Variants in NOL4 observed in about 807,000 individuals in gnomAD.
The protein encoded by NOL4 is nucleolar protein 4.
A neutral mutation model predicts 75.9 loss-of-function variants in NOL4; 17 were observed. The observed-to-expected ratio is 0.22, with a 90% CI of 0.15 to 0.34. The LOEUF (loss-of-function observed/expected upper bound fraction) is 0.34, where lower values mean the gene tolerates loss of function less well. NOL4 is among the 10% of genes least tolerant of loss of function. The probability of loss-of-function intolerance (pLI) is 1.00; values close to 1 mark genes in which losing one functional copy is unlikely to be tolerated. For synonymous variants in NOL4, 292 were observed against 289.9 expected, an observed-to-expected ratio of 1.01 and a Z score of -0.07; for missense variants, 614 against 793.5, an observed-to-expected ratio of 0.77 and a Z score of 2.72.
chr18:34,062,328 A>G (rs1422050747), intron 5 of NOL4, among the ~76,000 whole-genome samples: 1 of 152,128 alleles, frequency 6.6e-6, no homozygotes, highest in Non-Finnish European at 1.5e-5. Flanking sequence ...GAAGAGACAT[A>G]ATAAGAGATA....
intron 6 of NOL4, among the ~76,000 whole-genome samples, chr18:33,965,142 G>A (rs1393761172): frequency 1.3e-5 from 2 of 152,122 alleles, no homozygotes; most frequent in Non-Finnish European, 2.9e-5. Flanking sequence ...AGAGATACAA[G>A]TTAAGATATG....
intron 5 of NOL4, among the ~76,000 whole-genome samples, chr18:34,020,416 T>C (rs1436005555): frequency 6.6e-6 from 1 of 152,208 alleles, no homozygotes; most frequent in Non-Finnish European, 1.5e-5. Flanking sequence ...GGAATGTGCA[T>C]CAGTATTAGC....
rs1225199415 is a variant in NOL4, at chr18:34,142,659, C to T, written c.265-12639G>A. On this transcript the variant is annotated intron_variant, in intron 1 of 10. Transcript: ENST00000261592. ...GAACACTTGGACACAGGAAGGGGAACATCACACACTGGGGCCTGTTGTGGG... is the reference window on the plus strand; with the variant it reads ...GAACACTTGGACACAGGAAGGGGAATATCACACACTGGGGCCTGTTGTGGG... Among the ~76,000 whole-genome samples the T allele has an allele frequency of 2.6e-5, 4 of 152,140 alleles. No homozygotes were observed. In the East Asian group the frequency reaches 7.8e-4, roughly 30 times the overall value.
intron 10 of NOL4, 136 bp from the exon 11 acceptor site, chr18:33,853,171 A>G (rs1599626279): frequency 2.8e-6 from 2 of 726,934 alleles, no homozygotes; most frequent in African/African-American, 3.6e-5. Flanking sequence ...TTAATCAAAT[A>G]CATCTACTCT....
At chr18:34,088,731 A>T (rs567476468) in intron 5 of NOL4, among the ~76,000 whole-genome samples, 1 of 152,294 alleles carries the variant, frequency 6.6e-6, no homozygotes, top group East Asian at 1.9e-4. Flanking sequence ...AAATTTAAAT[A>T]GCTCAACTTA....
At chr18:34,164,519 G>A (rs1180736709) in intron 1 of NOL4, among the ~76,000 whole-genome samples, 9 of 152,150 alleles carry the variant, frequency 5.9e-5, no homozygotes, top group Admixed American at 6.5e-5. Flanking sequence ...CCATCAGAGA[G>A]ATGCAAATCA....
At chr18:33,986,392 C>T (rs964322163) in intron 6 of NOL4, among the ~76,000 whole-genome samples, 1 of 152,006 alleles carries the variant, frequency 6.6e-6, no homozygotes, top group Non-Finnish European at 1.5e-5. Context: ...TAAATATGCC[C>T]TTGAACTTTT....
intron 10 of NOL4, among the ~76,000 whole-genome samples, chr18:33,878,351 C>G (rs758681900): frequency 6.6e-5 from 10 of 152,074 alleles, no homozygotes; most frequent in Non-Finnish European, 1.3e-4. Flanking sequence ...CCACTGGTAG[C>G]TCTCTGCCTT....
At chr18:34,212,719 G>C (rs2036594575) in intron 1 of NOL4, among the ~76,000 whole-genome samples, 1 of 152,154 alleles carries the variant, frequency 6.6e-6, no homozygotes, top group Non-Finnish European at 1.5e-5. Flanking sequence ...TTCCCTTGTG[G>C]TTGTAGAACT....
At chr18:33,941,652 A>G (rs2068489230) in intron 9 of NOL4, among the ~76,000 whole-genome samples, 1 of 151,954 alleles carries the variant, frequency 6.6e-6, no homozygotes, top group Non-Finnish European at 1.5e-5. Flanking sequence ...AGTTCTCATA[A>G]CGACTCCACA....
intron 5 of NOL4, among the ~76,000 whole-genome samples, chr18:34,029,914 G>T (rs1255711873): frequency 1.3e-5 from 2 of 151,956 alleles, no homozygotes; most frequent in African/African-American, 4.8e-5. Flanking sequence ...TAAATATAGT[G>T]ACAAAAATCT....
At chr18:33,884,148 G>A (rs969139740) in intron 9 of NOL4, among the ~76,000 whole-genome samples, 9 of 152,056 alleles carry the variant, frequency 5.9e-5, no homozygotes, top group Admixed American at 5.9e-4. Flanking sequence ...AAAATTAAAT[G>A]AAGAGATATT....
chr18:33,920,333 G>A (rs117347908), intron 9 of NOL4, among the ~76,000 whole-genome samples: 1,837 of 152,242 alleles, frequency 0.012, 15 homozygotes, highest in Non-Finnish European at 0.018. Flanking sequence ...AAAATAATGT[G>A]TAAGTAGTTT....
intron 9 of NOL4, among the ~76,000 whole-genome samples, chr18:33,920,132 A>G (rs140923129): frequency 6.6e-6 from 1 of 152,148 alleles, no homozygotes; most frequent in Non-Finnish European, 1.5e-5. Flanking sequence ...TTCATATTGT[A>G]TAAGAGTTTT....
intron 5 of NOL4, among the ~76,000 whole-genome samples, chr18:34,059,156 T>TATATATATAC (rs1451618343): frequency 3.0e-5 from 4 of 132,852 alleles, no homozygotes; most frequent in Non-Finnish European, 5.0e-5. Context: ...TATATATATA[T>TATATATATAC]ACACATGCTT....
In NOL4 at chr18:34,105,180, A is replaced by T. The variant is rs752700429; in HGVS notation, c.415-20T>A. On this transcript the variant is annotated intron_variant, in intron 2 of 10. Coordinates refer to ENST00000261592, the MANE Select transcript of NOL4 (RefSeq NM_003787.5). ...TGAAATCTGAAATGATTCACAAAAT[A>T]CAGGTGTTATTATATAAGCTCACTG... The T allele has an allele frequency of 1.4e-6, 2 of 1,462,884 alleles. No individual in the cohort carries two copies. The highest frequency in any genetic ancestry group is 2.3e-5 in the East Asian group (1 of 44,056). The allele number at this position is 1,462,884 out of a possible 1,614,324, so 90.6% of individuals were successfully genotyped here.
intron 2 of NOL4, among the ~76,000 whole-genome samples, chr18:34,106,901 A>T (rs2079313142): frequency 6.6e-6 from 1 of 152,094 alleles, no homozygotes; most frequent in Non-Finnish European, 1.5e-5. Context: ...AAGCATATCG[A>T]GTTATAGTCC....
intron 1 of NOL4, among the ~76,000 whole-genome samples, chr18:34,217,769 T>C (rs1248209044): frequency 6.6e-6 from 1 of 152,140 alleles, no homozygotes; most frequent in African/African-American, 2.4e-5. Flanking sequence ...TGTATATGTA[T>C]GTGTATATAT....
intron 5 of NOL4, among the ~76,000 whole-genome samples, chr18:34,084,081 G>A (rs759307227): frequency 9.9e-5 from 15 of 152,160 alleles, no homozygotes; most frequent in East Asian, 1.9e-4. Context: ...ACCTGATGCC[G>A]GCTGGAACGC....
Sources: gnomAD v4.1 joint callset for allele counts (sites outside exome capture counted in the v4.1 genomes callset) on GRCh38, gnomAD v4.1.1 for gene constraint, MANE v1.5 for transcripts, NCBI Gene and HGNC (gene_info 2026-07-23, HGNC 2026-07-21) for gene names.